Variants in DDX10 observed in about 807,000 individuals in gnomAD.
DDX10 encodes DEAD-box helicase 10.
In DDX10, 74 loss-of-function variants were observed where a neutral mutation model predicts 104.3. The observed-to-expected ratio is 0.71, with a 90% CI of 0.59 to 0.86. DDX10 has a LOEUF of 0.86. Ranked by LOEUF, DDX10 falls within the 40% of genes least tolerant of loss-of-function variation. The probability of loss-of-function intolerance (pLI) is 0.00; values close to 1 mark genes in which losing one functional copy is unlikely to be tolerated. For synonymous variants in DDX10, 351 were observed against 353.4 expected (o/e 0.99, Z 0.08); for missense variants, 952 against 1,040.0 (o/e 0.92, Z 1.16).
At chr11:108,738,448 T>C (rs2094320967) in intron 13 of DDX10, among the ~76,000 whole-genome samples, 1 of 152,124 alleles carries the variant, frequency 6.6e-6, no homozygotes, top group Non-Finnish European at 1.5e-5. Flanking sequence ...GAAATACTTA[T>C]TTCTAATCCC....
At chr11:108,795,649 T>C (rs561889050) in intron 13 of DDX10, among the ~76,000 whole-genome samples, 1 of 152,198 alleles carries the variant, frequency 6.6e-6, no homozygotes, top group East Asian at 1.9e-4. Flanking sequence ...GCTTCATCCA[T>C]GTCCCTACAA....
chr11:108,886,649 A>C (rs1863299735), intron 16 of DDX10, among the ~76,000 whole-genome samples: 1 of 152,260 alleles, frequency 6.6e-6, no homozygotes, highest in Non-Finnish European at 1.5e-5. Flanking sequence ...GAAACAAAGT[A>C]GCTTTTATTT....
At chr11:108,893,438 A>G (rs75564342) in intron 16 of DDX10, among the ~76,000 whole-genome samples, 13,602 of 152,164 alleles carry the variant, frequency 0.089, 796 homozygotes, top group Middle Eastern at 0.15. Flanking sequence ...ACAGATTTTC[A>G]TTCATTCATG....
In DDX10 at chr11:108,665,165, G is replaced by A. The variant is rs573704676; in HGVS notation, c.12G>A (p.Thr4=). Residue 4 remains threonine (T), a synonymous_variant, in exon 1 of 18, where the codon ACG becomes ACA. Coordinates refer to ENST00000322536, the MANE Select transcript of DDX10 (RefSeq NM_004398.4). ...CCGCCGCCGCCGCAATGGGCAAAAC[G>A]GCCAACTCTCCGGGTTCGGGAGCCC... MGK[T]ANSPGSGARP... 2 of 1,608,628 alleles carry A rather than the reference G, an allele frequency of 1.2e-6. No individual in the cohort carries two copies. Among genetic ancestry groups the A allele is most frequent in the East Asian group, 4.5e-5 (2 of 44,584 alleles).
At chr11:108,763,388 A>T (rs1477891529) in intron 13 of DDX10, among the ~76,000 whole-genome samples, 2 of 152,226 alleles carry the variant, frequency 1.3e-5, no homozygotes, top group Admixed American at 1.3e-4. Flanking sequence ...AACATTAAAA[A>T]AACCTATCCA....
intron 12 of DDX10, among the ~76,000 whole-genome samples, chr11:108,722,289 A>G (rs1470701647): frequency 6.6e-6 from 1 of 152,206 alleles, no homozygotes; most frequent in East Asian, 1.9e-4. Context: ...ATCCTTGATA[A>G]AATCTAAGAT....
chr11:108,778,377 G>A (rs1310000058), intron 13 of DDX10, among the ~76,000 whole-genome samples: 10 of 152,050 alleles, frequency 6.6e-5, no homozygotes, highest in South Asian at 2.1e-4. Context: ...CAGAGCCCTT[G>A]GAAATAATAC....
At chr11:108,843,516 T>C (rs1305599991) in intron 15 of DDX10, among the ~76,000 whole-genome samples, 1 of 151,788 alleles carries the variant, frequency 6.6e-6, no homozygotes, top group Non-Finnish European at 1.5e-5. Flanking sequence ...TCCCAGCACT[T>C]TGGGAGGCTG....
intron 16 of DDX10, among the ~76,000 whole-genome samples, chr11:108,886,574 C>G (rs1207813181): frequency 6.6e-6 from 1 of 152,178 alleles, no homozygotes; most frequent in African/African-American, 2.4e-5. Context: ...GAAAATCCAT[C>G]CTCATTTGAA....
At chr11:108,809,834 G>T (rs1002935690) in intron 13 of DDX10, among the ~76,000 whole-genome samples, 1 of 152,176 alleles carries the variant, frequency 6.6e-6, no homozygotes, top group African/African-American at 2.4e-5. Flanking sequence ...TTGCATCTGT[G>T]TGTTCTACCC....
chr11:108,865,713 G>A (rs564409812), intron 16 of DDX10, among the ~76,000 whole-genome samples: 7 of 152,230 alleles, frequency 4.6e-5, no homozygotes, highest in African/African-American at 1.4e-4. Flanking sequence ...TGAAGCATAA[G>A]TGGTAGGATG....
At chr11:108,758,897 C>T (rs140755877) in intron 13 of DDX10, among the ~76,000 whole-genome samples, 2,371 of 152,106 alleles carry the variant, frequency 0.016, 58 homozygotes, top group African/African-American at 0.054. Flanking sequence ...TTTTTGGGGT[C>T]GTTTTTCTGG....
At chr11:108,743,712 C>T (rs2094328010) in intron 13 of DDX10, among the ~76,000 whole-genome samples, 1 of 152,078 alleles carries the variant, frequency 6.6e-6, no homozygotes, top group Non-Finnish European at 1.5e-5. Context: ...TGCTAATTAC[C>T]ATTGCCAGAA....
At position 108,774,512 on chromosome 11, in the gene DDX10, C is replaced by G. The variant is rs546135600; in HGVS notation, c.1965+51050C>G. Reference sequence around the variant, plus strand: ...ATTATTTTTAGCTGGAAATATCTGCCTTGATTTAGCCCTTGGTTTTGAAAC... The same window carrying G: ...ATTATTTTTAGCTGGAAATATCTGCGTTGATTTAGCCCTTGGTTTTGAAAC... On this transcript the variant is annotated intron_variant, in intron 13 of 17. Coordinates refer to ENST00000322536, the MANE Select transcript of DDX10 (RefSeq NM_004398.4). Among the ~76,000 whole-genome samples the G allele has an allele frequency of 8.2e-4, 125 of 152,090 alleles. 1 individual carries two copies. The highest frequency in any genetic ancestry group is 5.1e-3 in the Admixed American group (78 of 15,286).
intron 7 of DDX10, 146 bp from the exon 8 acceptor site, chr11:108,691,730 A>G (rs1460918314): frequency 5.8e-6 from 3 of 517,894 alleles, no homozygotes; most frequent in Non-Finnish European, 9.5e-6. Flanking sequence ...TTGTGATTAA[A>G]TAAGAGTTTC....
At chr11:108,688,579 T>A (rs1253764870) in intron 6 of DDX10, among the ~76,000 whole-genome samples, 1 of 152,218 alleles carries the variant, frequency 6.6e-6, no homozygotes, top group Admixed American at 6.5e-5. Flanking sequence ...TTGAATTTGA[T>A]GAATGTGTAT....
chr11:108,737,406 A>G (rs551729211), intron 13 of DDX10, among the ~76,000 whole-genome samples: 29 of 152,326 alleles, frequency 1.9e-4, no homozygotes, highest in Admixed American at 1.2e-3. Flanking sequence ...TAGAGGTGAC[A>G]GACGGTCTTG....
In DDX10 at chr11:108,852,193, A is replaced by G. The variant is rs563625715; in HGVS notation, c.2288A>G (p.Asn763Ser). ...LKEREARREA[N>S]KRQAKAKDEE... ...GAAAGGGAAGCCAGAAGAGAAGCCAACAAGAGACAAGCAAAGGTAAGGGTT... is the reference window on the plus strand; with the variant it reads ...GAAAGGGAAGCCAGAAGAGAAGCCAGCAAGAGACAAGCAAAGGTAAGGGTT... The change falls in exon 16 of 18, where the codon AAC becomes AGC. Residue 763 changes from asparagine (N) to serine (S), a missense_variant. By Grantham distance (46) the Asn-to-Ser change is conservative. Transcript: ENST00000322536. 13 of 1,611,354 alleles carry G rather than the reference A, an allele frequency of 8.1e-6. No homozygotes were observed. In the South Asian group the frequency reaches 1.1e-4, roughly 14 times the overall value.
chr11:108,743,131 C>A (rs1591806893), intron 13 of DDX10, among the ~76,000 whole-genome samples: 1 of 152,110 alleles, frequency 6.6e-6, no homozygotes, highest in African/African-American at 2.4e-5. Flanking sequence ...AAATCCTCAA[C>A]AATATACTAG....
Sources: allele counts gnomAD v4.1 joint callset (sites outside exome capture counted in the v4.1 genomes callset), GRCh38; gene constraint gnomAD v4.1.1; transcripts MANE v1.5; gene names NCBI Gene and HGNC (gene_info 2026-07-23, HGNC 2026-07-21).